Variants in ZNF436 observed in about 807,000 individuals in gnomAD.
ZNF436 encodes the protein zinc finger protein 436, also known as DNA-binding protein.
A neutral mutation model predicts 41.9 loss-of-function variants in ZNF436; 22 were observed. The ratio of observed to expected loss-of-function variants is 0.53; its 90% CI spans 0.38 to 0.75. ZNF436 has a LOEUF of 0.75. Ranked by LOEUF, ZNF436 falls within the 30% of genes least tolerant of loss-of-function variation. The pLI is 0.00. For synonymous variants in ZNF436, 217 were observed against 197.8 expected, an observed-to-expected ratio of 1.10 and a Z score of -0.82; for missense variants, 506 against 587.3, an observed-to-expected ratio of 0.86 and a Z score of 1.43.
intron 1 of ZNF436, chr1:23,368,306 C>A (rs959094681): frequency 7.5e-6 from 3 of 401,972 alleles, no homozygotes; most frequent in Non-Finnish European, 9.1e-6. Flanking sequence ...GGTTAGACCG[C>A]TGCTGTCTCA....
At position 23,360,821 on chromosome 1, in the gene ZNF436, T is replaced by C. The variant is rs1382296414; in HGVS notation, c.*1148A>G. ...CTAGTGTTTAAATTATTTTCCATAA[T>C]GAAAAAAGGACATTTCTCACATTGG... On this transcript the variant is annotated 3_prime_UTR_variant, in exon 4 of 4. Transcript: ENST00000314011. 6.6e-6 allele frequency: 1 copy of C among 152,592 alleles called. No homozygotes were observed. The highest frequency in any genetic ancestry group is 2.4e-5 in the African/African-American group (1 of 41,440). 9.5% of individuals were successfully genotyped at this position (152,592 alleles called of 1,614,324 possible).
intron 3 of ZNF436, among the ~76,000 whole-genome samples, chr1:23,364,056 A>G (rs1638305742): frequency 6.6e-6 from 1 of 151,626 alleles, no homozygotes; most frequent in African/African-American, 2.4e-5. Flanking sequence ...AAAAAAAACT[A>G]TATATATTCG....
chr1:23,362,004 C>T lies in ZNF436; in HGVS notation c.1378G>A (p.Ala460Thr), dbSNP rs756553042. 2.4e-5 allele frequency: 38 copies of T among 1,612,532 alleles called. No individual in the cohort carries two copies. The highest frequency in any genetic ancestry group is 3.3e-5 in the Admixed American group (2 of 59,796). Residue 460 changes from alanine to threonine, a missense_variant, in exon 4 of 4, where the codon GCT (alanine) becomes ACT (threonine). This residue lies in a region of ZNF436 where 278 missense variants were observed against 372.1 expected (regional missense o/e 0.75). Coordinates refer to ENST00000314011, the MANE Select transcript of ZNF436 (RefSeq NM_001077195.2). Reference sequence around the variant, plus strand: ...TGAACTCTCTTATGTTTAATAAGAGCTGAGCTCCTGCTGAAACTCTTCTCA... The same window carrying T: ...TGAACTCTCTTATGTTTAATAAGAGTTGAGCTCCTGCTGAAACTCTTCTCA... ...ECEKSFSRSSALIKHKRVHTD is the reference protein window; with the variant it reads ...ECEKSFSRSSTLIKHKRVHTD
Position 23,362,684 on chromosome 1 carries a change from C to T in ZNF436, c.698G>A (p.Arg233His), listed in dbSNP as rs1195785514. Residue 233 changes from arginine (R) to histidine (H), a missense_variant, in exon 4 of 4, where the codon CGT becomes CAT. By Grantham distance (29) the Arg-to-His change is conservative. Transcript: ENST00000314011. ...KCNECGKSFC[R>H]LSHLIQHQRT... ...TTGGTGTTGGATTAGGTGAGAGAGA[C>T]GGCAGAAACTTTTTCCACACTCATT... The T allele has an allele frequency of 8.1e-6, 13 of 1,613,866 alleles. No individual in the cohort carries two copies. The highest frequency in any genetic ancestry group is 4.4e-5 in the South Asian group (4 of 91,068).
chr1:23,362,977 G>C lies in ZNF436; in HGVS notation c.405C>G (p.Ile135Met), dbSNP rs1335363243. 1.4e-5 allele frequency: 23 copies of C among 1,614,020 alleles called. No individual in the cohort carries two copies. The highest frequency in any genetic ancestry group is 1.9e-5 in the Non-Finnish European group (22 of 1,180,020). ...LLVHKEVHTG[I>M]RYHICSHCGK... ...CACAATGAGAACATATATGATAGCG[G>C]ATGCCTGTGTGGACTTCTTTGTGGA... The change falls in exon 4 of 4, where the codon ATC (isoleucine) becomes ATG (methionine). Residue 135 changes from isoleucine (I) to methionine (M), a missense_variant. By Grantham distance (10) the Ile-to-Met change is conservative. Transcript: ENST00000314011.
At chr1:23,369,168 C>T (rs1041452451) in intron 1 of ZNF436, 198 bp downstream of exon 1, 12 of 381,556 alleles carry the variant, frequency 3.1e-5, no homozygotes, top group African/African-American at 2.5e-4. Flanking sequence ...AGGAGATAGC[C>T]AGGCCCCTGC....
intron 3 of ZNF436, among the ~76,000 whole-genome samples, chr1:23,363,587 A>G (rs1359639629): frequency 1.3e-5 from 2 of 152,208 alleles, no homozygotes; most frequent in Non-Finnish European, 2.9e-5. Context: ...CTATTCTGAG[A>G]GTCAGGAATT....
In ZNF436 at chr1:23,361,143, T is replaced by A. The variant is rs1485529313; in HGVS notation, c.*826A>T. ...ACTCAATTCCACTTGCTCCTTACAC[T>A]TAACTGTCACTGATGGTCCTATCTT... is the stretch of plus-strand genomic sequence containing the variant. On this transcript the variant is annotated 3_prime_UTR_variant, in exon 4 of 4. Coordinates refer to ENST00000314011, the MANE Select transcript of ZNF436 (RefSeq NM_001077195.2). 6.6e-6 allele frequency: 1 copy of A among 152,628 alleles called. No homozygotes were observed. The highest frequency in any genetic ancestry group is 1.5e-5 in the Non-Finnish European group (1 of 68,046). 9.5% of individuals were successfully genotyped at this position (152,628 alleles called of 1,614,324 possible).
chr1:23,367,098 T>C lies in ZNF436; in HGVS notation c.104A>G (p.Gln35Arg). 6.2e-7 allele frequency: 1 copy of C among 1,614,136 alleles called. No individual in the cohort carries two copies. ...CATAACATCCCGGTAAAGGTCCCTC[T>C]GTGCAGCGTCCAGAGGTCTCCATTC... ...REEWRPLDAA[Q>R]RDLYRDVMQE... Residue 35 changes from glutamine to arginine, a missense_variant, in exon 3 of 4, where the codon CAG becomes CGG. Gln to Arg is a conservative substitution (Grantham distance 43). Coordinates refer to ENST00000314011, the MANE Select transcript of ZNF436 (RefSeq NM_001077195.2).
chr1:23,367,246 G>A, intron 2 of ZNF436, 78 bp from the exon 3 acceptor site: 1 of 1,455,556 alleles, frequency 6.9e-7, no homozygotes, highest in Non-Finnish European at 9.2e-7. Flanking sequence ...AAATATTCAG[G>A]AGGAAAAATA....
At chr1:23,368,938 C>G (rs1055961935) in intron 1 of ZNF436, 1 of 157,772 alleles carries the variant, frequency 6.3e-6, no homozygotes, top group African/African-American at 2.4e-5. Flanking sequence ...ATACAACTCC[C>G]GAGAGGCCCC....
At chr1:23,367,190 C>A (rs772219035) in intron 2 of ZNF436, 22 bp from the exon 3 acceptor site, 1 of 1,589,428 alleles carries the variant, frequency 6.3e-7, no homozygotes, top group South Asian at 1.2e-5. Context: ...CGATACTTCC[C>A]TACTATTCTG....
At chr1:23,366,364 G>GCAAAGTGAGA (rs1364223651) in intron 3 of ZNF436, among the ~76,000 whole-genome samples, 1 of 151,898 alleles carries the variant, frequency 6.6e-6, no homozygotes, top group Non-Finnish European at 1.5e-5. Flanking sequence ...GCAAAGTGAG[G>GCAAAGTGAGA]CAAAGTGAGT....
At chr1:23,367,557 T>C (rs1364745888) in intron 2 of ZNF436, among the ~76,000 whole-genome samples, 3 of 152,210 alleles carry the variant, frequency 2.0e-5, no homozygotes, top group East Asian at 1.9e-4. Context: ...CCTACCCCTC[T>C]GCACGGCTCC....
intron 3 of ZNF436, among the ~76,000 whole-genome samples, chr1:23,364,708 T>C (rs114087420): frequency 6.6e-6 from 1 of 152,190 alleles, no homozygotes; most frequent in African/African-American, 2.4e-5. Context: ...TTCTTGGCAT[T>C]GTCTAAGTAT....
intron 1 of ZNF436, 187 bp downstream of exon 1, chr1:23,369,179 G>T (rs571887363): frequency 5.4e-6 from 2 of 372,556 alleles, no homozygotes; most frequent in Non-Finnish European, 1.1e-5. Flanking sequence ...AGGCCCCTGC[G>T]GGGGGGGCGG....
At chr1:23,368,233 G>C (rs1638407686) in intron 1 of ZNF436, 168 bp from the exon 2 acceptor site, 6 of 576,734 alleles carry the variant, frequency 1.0e-5, no homozygotes, top group Non-Finnish European at 1.9e-5. Context: ...CCGCCACAGC[G>C]GGGTGGAGGC....
At chr1:23,366,029 T>C (rs1030311646) in intron 3 of ZNF436, among the ~76,000 whole-genome samples, 2 of 152,210 alleles carry the variant, frequency 1.3e-5, no homozygotes, top group African/African-American at 4.8e-5. Context: ...ACAAGTGCTT[T>C]TGGGGCTAAA....
chr1:23,363,215 T>A lies in ZNF436; in HGVS notation c.167A>T (p.Glu56Val). The A allele has an allele frequency of 6.2e-7, 1 of 1,608,588 alleles. No homozygotes were observed. Residue 56 changes from glutamate (E) to valine (V), a missense_variant, in exon 4 of 4, where the codon GAG (glutamate) becomes GTG (valine). Physicochemically the swap from Glu to Val is moderately radical, Grantham distance 121. Transcript: ENST00000314011. ...ATTTACCTCGTTCTCACTCCTGATC[T>A]CAAAATCTGTAATAAAAAGTAAACA... ...NYGNVVSLDF[E>V]IRSENEVNPK...
Sources: gnomAD v4.1 joint callset for allele counts (sites outside exome capture counted in the v4.1 genomes callset) on GRCh38, gnomAD v4.1.1 for gene constraint, gnomAD v4.1.1 regional missense constraint, MANE v1.5 for transcripts, NCBI Gene and HGNC (gene_info 2026-07-23, HGNC 2026-07-21) for gene names.